BMAL1: variants seen among roughly 807,000 people sequenced by gnomAD.
The protein encoded by BMAL1 is basic helix-loop-helix ARNT like 1.
chr11:13,290,015 C>T, the BMAL1 span, among the ~76,000 whole-genome samples: 2 of 152,210 alleles, frequency 1.3e-5, no homozygotes, highest in African/African-American at 4.8e-5. Flanking sequence ...TAAAAGCATT[C>T]CTATTTCTCC....
the BMAL1 span, among the ~76,000 whole-genome samples, chr11:13,323,926 ATTT>A: frequency 6.6e-6 from 1 of 152,186 alleles, no homozygotes; most frequent in Non-Finnish European, 1.5e-5. Context: ...CAATTTATTT[ATTT>A]TTAATTAACA....
chr11:13,277,709 G>C, the BMAL1 span: 1 of 65,262 alleles, frequency 1.5e-5, no homozygotes, highest in Non-Finnish European at 4.0e-5. Flanking sequence ...GGTGGGCGGG[G>C]AAGGGGGGTT....
the BMAL1 span, among the ~76,000 whole-genome samples, chr11:13,285,591 A>G: frequency 3.3e-5 from 5 of 152,204 alleles, no homozygotes; most frequent in Admixed American, 2.0e-4. Flanking sequence ...CCAGGAAGAG[A>G]GAACAGCACA....
chr11:13,282,466 C>G, the BMAL1 span, among the ~76,000 whole-genome samples: 1 of 152,180 alleles, frequency 6.6e-6, no homozygotes, highest in African/African-American at 2.4e-5. Flanking sequence ...GTAGTGGTCT[C>G]CACATTCAGC....
chr11:13,316,090 C>T, the BMAL1 span, among the ~76,000 whole-genome samples: 1 of 152,240 alleles, frequency 6.6e-6, no homozygotes, highest in African/African-American at 2.4e-5. Context: ...AAGGGGCCCC[C>T]TTTGTCTCTC....
chr11:13,370,191 C>T, the BMAL1 span, among the ~76,000 whole-genome samples: 11 of 152,264 alleles, frequency 7.2e-5, no homozygotes, highest in East Asian at 2.1e-3. Flanking sequence ...CCACATTCTT[C>T]TTCCTCCTCC....
At chr11:13,293,500 AG>A in the BMAL1 span, among the ~76,000 whole-genome samples, 4 of 152,252 alleles carry the variant, frequency 2.6e-5, no homozygotes, top group African/African-American at 9.6e-5. Context: ...AGATGTGCAC[AG>A]TGTCTGCCCA....
the BMAL1 span, among the ~76,000 whole-genome samples, chr11:13,327,359 C>G: frequency 6.6e-6 from 1 of 152,212 alleles, no homozygotes; most frequent in African/African-American, 2.4e-5. Context: ...ATCGCAGATG[C>G]TGTTATCATC....
At chr11:13,294,244 A>G in the BMAL1 span, among the ~76,000 whole-genome samples, 2 of 152,198 alleles carry the variant, frequency 1.3e-5, no homozygotes, top group Admixed American at 1.3e-4. Context: ...TTACTGGAAA[A>G]AAACAGGAAT....
At chr11:13,279,969 A>G in the BMAL1 span, among the ~76,000 whole-genome samples, 2 of 152,208 alleles carry the variant, frequency 1.3e-5, no homozygotes, top group African/African-American at 4.8e-5. Context: ...TTGGGCTCTC[A>G]TGGCCGTTCC....
chr11:13,298,597 T>C, the BMAL1 span, among the ~76,000 whole-genome samples: 1 of 152,248 alleles, frequency 6.6e-6, no homozygotes, highest in South Asian at 2.1e-4. Flanking sequence ...TGTTCACTGC[T>C]GTATCCCCAG....
the BMAL1 span, among the ~76,000 whole-genome samples, chr11:13,282,706 C>G: frequency 1.3e-5 from 2 of 152,232 alleles, no homozygotes; most frequent in Non-Finnish European, 2.9e-5. Context: ...CTCCAATTCT[C>G]TTAGGTTCTG....
At chr11:13,356,379 G>T in the BMAL1 span, 1 of 509,210 alleles carries the variant, frequency 2.0e-6, no homozygotes, top group Non-Finnish European at 3.8e-6. Context: ...GAATGATGGG[G>T]GGGGAGAATG....
chr11:13,386,877 C>T, the BMAL1 span: 3 of 1,204,020 alleles, frequency 2.5e-6, no homozygotes, highest in Admixed American at 2.7e-5. Context: ...TTCATAAAAG[C>T]CATCTCAGAG....
the BMAL1 span, among the ~76,000 whole-genome samples, chr11:13,284,200 ATATATATATGTGTATATATATATATATG>A: frequency 2.3e-3 from 75 of 33,328 alleles, 8 homozygotes; most frequent in African/African-American, 7.0e-3. Context: ...ATATGTGTGT[ATATATATATGTGTATATATATATATATG>A]TGTGTGTATA....
At chr11:13,310,286 C>T in the BMAL1 span, among the ~76,000 whole-genome samples, 6 of 151,722 alleles carry the variant, frequency 4.0e-5, no homozygotes, top group Admixed American at 6.6e-5. Flanking sequence ...CCAAGGGGTG[C>T]GGGGGATGGA....
At chr11:13,367,480 C>T in the BMAL1 span, among the ~76,000 whole-genome samples, 2 of 152,184 alleles carry the variant, frequency 1.3e-5, no homozygotes, top group South Asian at 4.1e-4. Context: ...GCAGGTGGAT[C>T]TCTTGAGGTC....
the BMAL1 span, among the ~76,000 whole-genome samples, chr11:13,341,484 C>T: frequency 8.6e-4 from 131 of 152,358 alleles, no homozygotes; most frequent in Non-Finnish European, 1.5e-3. Context: ...CCCCTGCTGC[C>T]TGGCCCAGCC....
At chr11:13,305,488 GA>G in the BMAL1 span, among the ~76,000 whole-genome samples, 677 of 152,258 alleles carry the variant, frequency 4.4e-3, 8 homozygotes, top group African/African-American at 0.016. Context: ...ATTAGTCATA[GA>G]AATTTTTTTT....
Sources: allele counts gnomAD v4.1 joint callset (sites outside exome capture counted in the v4.1 genomes callset), GRCh38; gene constraint gnomAD v4.1.1; transcripts MANE v1.5; gene names NCBI Gene and HGNC (gene_info 2026-07-23, HGNC 2026-07-21).